The following RIC1 variants were observed in gnomAD, a reference collection of about 807,000 sequenced individuals.
The protein encoded by RIC1 is guanine nucleotide exchange factor subunit RIC1.
In RIC1, 88 loss-of-function variants were observed where a neutral mutation model predicts 169.0. The ratio of observed to expected loss-of-function variants is 0.52; its 90% confidence interval spans 0.44 to 0.62. The LOEUF is 0.62. RIC1 is among the 20% of genes least tolerant of loss of function. The probability of loss-of-function intolerance (pLI) is 0.00; values close to 1 mark genes in which losing one functional copy is unlikely to be tolerated. For synonymous variants in RIC1, 790 were observed against 601.5 expected (o/e 1.31, Z -4.59); for missense variants, 1,877 against 1,725.5 (o/e 1.09, Z -1.56).
At chr9:5,760,673 C>T (rs954134545) in intron 17 of RIC1, among the ~76,000 whole-genome samples, 7 of 152,154 alleles carry the variant, frequency 4.6e-5, no homozygotes, top group African/African-American at 1.7e-4. Context: ...ACCTAAATTC[C>T]ATGTTCACTT....
intron 10 of RIC1, 118 bp downstream of exon 10, chr9:5,743,855 G>A: frequency 1.4e-6 from 1 of 737,492 alleles, no homozygotes; most frequent in South Asian, 1.7e-5. Flanking sequence ...CTGTCACCCA[G>A]GTTGGAGAGC....
At chr9:5,661,889 G>A (rs1819472687) in intron 2 of RIC1, among the ~76,000 whole-genome samples, 1 of 152,134 alleles carries the variant, frequency 6.6e-6, no homozygotes, top group Non-Finnish European at 1.5e-5. Context: ...TGGTGAGAGA[G>A]GGCATCCTTG....
At chr9:5,649,645 T>G (rs1818696958) in intron 1 of RIC1, among the ~76,000 whole-genome samples, 1 of 152,106 alleles carries the variant, frequency 6.6e-6, no homozygotes. Flanking sequence ...TAGTATTATT[T>G]TGAATCCTGT....
Position 5,738,543 on chromosome 9 carries a change from G to GTT in RIC1, c.901+6_901+7insTT. 5.6e-6 allele frequency: 5 copies of GTT among 893,534 alleles called. No individual in the cohort carries two copies. Among genetic ancestry groups the GTT allele is most frequent in the Admixed American group, 5.8e-5 (2 of 34,742 alleles). 55.4% of individuals were successfully genotyped at this position (893,534 alleles called of 1,614,324 possible). ...TAACAGCAAAACAGTATCCTGGTGA[G>GTT]TCTTTTTTTTTTTTTTTTTTTTTAA... On this transcript the variant is annotated splice_donor_region_variant and intron_variant, in intron 8 of 25. Coordinates refer to ENST00000414202, the MANE Select transcript of RIC1 (RefSeq NM_020829.4).
chr9:5,713,105 T>C (rs187789678), intron 3 of RIC1: 6 of 152,314 alleles, frequency 3.9e-5, no homozygotes, highest in Non-Finnish European at 1.5e-5. Context: ...CGACAAATTA[T>C]AGGAATGTAC....
At chr9:5,756,874 G>A (rs778305499) in intron 16 of RIC1, among the ~76,000 whole-genome samples, 39 of 152,166 alleles carry the variant, frequency 2.6e-4, no homozygotes, top group African/African-American at 8.7e-4. Context: ...TACTTGCAAC[G>A]TATTTAGACC....
Position 5,747,290 on chromosome 9 carries a change from T to G in RIC1, c.1249-12T>G. 6.2e-7 allele frequency: 1 copy of G among 1,610,696 alleles called. No homozygotes were observed. Among genetic ancestry groups the G allele is most frequent in the South Asian group, 1.1e-5 (1 of 90,836 alleles). On this transcript the variant is annotated splice_polypyrimidine_tract_variant and intron_variant, in intron 11 of 25. Coordinates refer to ENST00000414202, the MANE Select transcript of RIC1 (RefSeq NM_020829.4). ...CCTCCTTTGCCCTTTTGTTCCTCTT[T>G]CCCTCATTTAGAGTAACCAAGAGCA...
intron 1 of RIC1, among the ~76,000 whole-genome samples, chr9:5,641,383 G>T (rs567307801): frequency 6.6e-6 from 1 of 152,116 alleles, no homozygotes; most frequent in Non-Finnish European, 1.5e-5. Flanking sequence ...GAGCCACCGC[G>T]CCCGGCCGCC....
intron 2 of RIC1, among the ~76,000 whole-genome samples, chr9:5,670,291 C>A (rs868043773): frequency 1.3e-5 from 2 of 152,160 alleles, no homozygotes; most frequent in African/African-American, 4.8e-5. Context: ...CTCCAGCAGG[C>A]GTCTGCCTGA....
chr9:5,757,323 A>C lies in RIC1; in HGVS notation c.1864A>C (p.Thr622Pro), dbSNP rs556148575. ...IERKSDGPNTTAGIQVLQEVS... is the reference protein window; with the variant it reads ...IERKSDGPNTPAGIQVLQEVS... ...CTTTTGTTTTTACAGTCCAAATACT[A>C]CTGCTGGTATTCAAGTTCTTCAGGA... is the stretch of plus-strand genomic sequence containing the variant. Residue 622 changes from threonine (T) to proline (P), a missense_variant, in exon 17 of 26, where the codon ACT becomes CCT. Thr to Pro is a conservative substitution (Grantham distance 38). Coordinates refer to ENST00000414202, the MANE Select transcript of RIC1 (RefSeq NM_020829.4). The C allele has an allele frequency of 5.3e-5, 85 of 1,614,002 alleles. 1 individual carries two copies. The South Asian group carries it at 9.1e-4, about 17-fold the overall frequency.
intron 3 of RIC1, among the ~76,000 whole-genome samples, chr9:5,707,437 T>G (rs1240579165): frequency 1.3e-5 from 2 of 152,090 alleles, no homozygotes; most frequent in Non-Finnish European, 2.9e-5. Flanking sequence ...TTATTTTCTG[T>G]CCAGTTCTAT....
Position 5,632,830 on chromosome 9 carries a change from T to C in RIC1, c.144+3377T>C, listed in dbSNP as rs73390655. Among the ~76,000 whole-genome samples the C allele has an allele frequency of 7.2e-3, 1,103 of 152,328 alleles. 14 individuals carry two copies. The highest frequency in any genetic ancestry group is 0.023 in the African/African-American group (966 of 41,580). ...TCCTTTAATATACTAACTGTGACTA[T>C]GAAAGTCTATATATGTGAACATCAG... On this transcript the variant is annotated intron_variant, in intron 1 of 25. Coordinates refer to ENST00000414202, the MANE Select transcript of RIC1 (RefSeq NM_020829.4).
chr9:5,702,101 T>C (rs184876501), intron 3 of RIC1, among the ~76,000 whole-genome samples: 78 of 152,240 alleles, frequency 5.1e-4, no homozygotes, highest in African/African-American at 1.6e-3. Flanking sequence ...AGCTCATAGT[T>C]TATTAAGGGG....
rs1827468204 is a variant in RIC1, at chr9:5,774,489, A to G, written c.*243A>G. The G allele has an allele frequency of 9.0e-6, 3 of 333,244 alleles. No individual in the cohort carries two copies. The highest frequency in any genetic ancestry group is 1.1e-5 in the Non-Finnish European group (2 of 185,444). The allele number at this position is 333,244 out of a possible 1,614,324, so 20.6% of individuals were successfully genotyped here. On this transcript the variant is annotated 3_prime_UTR_variant, in exon 26 of 26. Transcript: ENST00000414202. ...TGAAAAGTAAATATTGTACAGATGT[A>G]CATGAGAATATTTTGGTTTTACTCA...
chr9:5,750,158 AT>A (rs1825638241), intron 12 of RIC1, among the ~76,000 whole-genome samples: 1 of 151,816 alleles, frequency 6.6e-6, no homozygotes, highest in African/African-American at 2.4e-5. Flanking sequence ...TTTTGAAGTC[AT>A]TTGTTGACAT....
intron 15 of RIC1, among the ~76,000 whole-genome samples, chr9:5,755,950 A>ATAAT (rs557582428): frequency 2.0e-5 from 3 of 151,894 alleles, no homozygotes; most frequent in East Asian, 3.9e-4. Flanking sequence ...AAATAAATAA[A>ATAAT]TAAAGCAGGT....
chr9:5,685,515 A>G (rs1243902345), intron 2 of RIC1, among the ~76,000 whole-genome samples: 3 of 149,736 alleles, frequency 2.0e-5, no homozygotes, highest in African/African-American at 7.3e-5. Flanking sequence ...GAGAAAAACA[A>G]GCAATGGGGA....
intron 1 of RIC1, among the ~76,000 whole-genome samples, chr9:5,646,280 G>A (rs1344570369): frequency 1.3e-5 from 2 of 152,162 alleles, no homozygotes; most frequent in African/African-American, 2.4e-5. Context: ...TTTTTGTTGA[G>A]TTGTAACGCT....
chr9:5,711,042 A>C (rs1586994152), intron 3 of RIC1, among the ~76,000 whole-genome samples: 1 of 152,312 alleles, frequency 6.6e-6, no homozygotes, highest in East Asian at 1.9e-4. Context: ...AACTAAATAC[A>C]TCAGTAGATT....
Sources: allele counts gnomAD v4.1 joint callset (sites outside exome capture counted in the v4.1 genomes callset), GRCh38; gene constraint gnomAD v4.1.1; transcripts MANE v1.5; gene names NCBI Gene and HGNC (gene_info 2026-07-23, HGNC 2026-07-21).